Variants in FILIP1 observed in about 807,000 individuals in gnomAD.
FILIP1 encodes the protein filamin-A-interacting protein 1.
In FILIP1, 61 loss-of-function variants were observed where a neutral mutation model predicts 102.1. The ratio of observed to expected loss-of-function variants is 0.60; its 90% CI spans 0.49 to 0.74. The LOEUF is 0.74. FILIP1 is among the 30% of genes least tolerant of loss of function. The probability of loss-of-function intolerance (pLI) is 0.00; values close to 1 mark genes in which losing one functional copy is unlikely to be tolerated. For missense variants in FILIP1, 1,314 were observed against 1,441.2 expected, an observed-to-expected ratio of 0.91 and a Z score of 1.43; for synonymous variants, 491 against 526.9, an observed-to-expected ratio of 0.93 and a Z score of 0.93.
chr6:75,385,145 A>G (rs963523704), intron 2 of FILIP1, among the ~76,000 whole-genome samples: 2 of 152,070 alleles, frequency 1.3e-5, no homozygotes, highest in African/African-American at 2.4e-5. Context: ...AAAGAAGTCA[A>G]TAATTTGCCT....
intron 1 of FILIP1, among the ~76,000 whole-genome samples, chr6:75,437,067 C>T (rs1778050354): frequency 1.3e-5 from 2 of 152,130 alleles, no homozygotes; most frequent in African/African-American, 4.8e-5. Flanking sequence ...CAGACGGAAT[C>T]AGATTGGAAA....
intron 4 of FILIP1, among the ~76,000 whole-genome samples, chr6:75,337,905 T>C (rs1366871306): frequency 2.6e-5 from 4 of 151,630 alleles, no homozygotes; most frequent in African/African-American, 9.7e-5. Flanking sequence ...CTTTCCTGAT[T>C]TGAATACAGG....
chr6:75,380,628 G>T (rs963838116), intron 2 of FILIP1, among the ~76,000 whole-genome samples: 1 of 152,128 alleles, frequency 6.6e-6, no homozygotes, highest in African/African-American at 2.4e-5. Flanking sequence ...GAAGGACAAA[G>T]ATTGTTGCAG....
rs558494813 is a variant in FILIP1 at position 75,308,137 on chromosome 6, A to T, written c.*554T>A. On this transcript the variant is annotated 3_prime_UTR_variant, in exon 6 of 6. Transcript: ENST00000237172. ...ATTACATGTTCACATTATTTCCTGA[A>T]ATCATCTTAGAACCTTTTGTTTTTG... The T allele has an allele frequency of 6.3e-5, 62 of 985,948 alleles. No individual in the cohort carries two copies. Among genetic ancestry groups the T allele is most frequent in the Non-Finnish European group, 7.2e-5 (60 of 830,106 alleles). 61.1% of individuals were successfully genotyped at this position (985,948 alleles called of 1,614,324 possible).
At chr6:75,387,379 G>A (rs1422688288) in intron 2 of FILIP1, among the ~76,000 whole-genome samples, 1 of 152,132 alleles carries the variant, frequency 6.6e-6, no homozygotes, top group African/African-American at 2.4e-5. Flanking sequence ...ATAGTAGAAT[G>A]ATTTATAATC....
rs551066354 is a variant in FILIP1, at chr6:75,420,202, C to T, written c.-6-5224G>A. On this transcript the variant is annotated intron_variant, in intron 1 of 5. Coordinates refer to ENST00000237172, the MANE Select transcript of FILIP1 (RefSeq NM_015687.5). ...GCAAATAGAAAAATATTATTCTACT[C>T]CAGCTTAAAACTATGGTGAAATATT... Among the ~76,000 whole-genome samples the T allele has an allele frequency of 7.9e-5, 12 of 151,920 alleles. No homozygotes were observed. In the South Asian group the frequency reaches 2.3e-3, roughly 29 times the overall value.
chr6:75,483,376 A>G (rs1238283298), intron 1 of FILIP1, among the ~76,000 whole-genome samples: 2 of 152,206 alleles, frequency 1.3e-5, no homozygotes, highest in Admixed American at 6.5e-5. Context: ...AAGTCCAGAC[A>G]GAGGAATCCC....
chr6:75,436,190 T>C (rs1016480718), intron 1 of FILIP1, among the ~76,000 whole-genome samples: 1 of 151,866 alleles, frequency 6.6e-6, no homozygotes, highest in African/African-American at 2.4e-5. Context: ...CTGGACAACA[T>C]GGTGAAACCC....
intron 1 of FILIP1, among the ~76,000 whole-genome samples, chr6:75,491,997 A>G (rs1209721721): frequency 6.6e-6 from 1 of 152,206 alleles, no homozygotes; most frequent in African/African-American, 2.4e-5. Flanking sequence ...GAAAAATGTA[A>G]AGCATTTAGT....
At chr6:75,319,526 G>A in intron 4 of FILIP1, 2 of 569,142 alleles carry the variant, frequency 3.5e-6, no homozygotes, top group South Asian at 1.4e-5. Flanking sequence ...CTACCTCTCT[G>A]AGCACTTCTT....
At chr6:75,417,840 C>T (rs1777321013) in intron 1 of FILIP1, among the ~76,000 whole-genome samples, 1 of 152,170 alleles carries the variant, frequency 6.6e-6, no homozygotes, top group Non-Finnish European at 1.5e-5. Context: ...TTACGGCTTT[C>T]CTCGAAGTTC....
At chr6:75,328,566 G>T (rs1215631560) in intron 4 of FILIP1, among the ~76,000 whole-genome samples, 2 of 152,150 alleles carry the variant, frequency 1.3e-5, no homozygotes, top group African/African-American at 4.8e-5. Context: ...TGATCTCACT[G>T]CAACTTCGGC....
intron 2 of FILIP1, among the ~76,000 whole-genome samples, chr6:75,367,823 T>A (rs1775389954): frequency 6.6e-6 from 1 of 152,214 alleles, no homozygotes; most frequent in Non-Finnish European, 1.5e-5. Context: ...TACATCTCCA[T>A]TTTTGAGAAA....
intron 2 of FILIP1, among the ~76,000 whole-genome samples, chr6:75,413,772 C>G (rs1020485727): frequency 6.8e-6 from 1 of 147,432 alleles, no homozygotes; most frequent in African/African-American, 2.5e-5. Context: ...CTCTTTAAGT[C>G]ATCTTCTCCA....
At chr6:75,349,064 T>A (rs1392133170) in intron 4 of FILIP1, among the ~76,000 whole-genome samples, 1 of 152,118 alleles carries the variant, frequency 6.6e-6, no homozygotes, top group Non-Finnish European at 1.5e-5. Context: ...CTTGGTTGAG[T>A]TACATAATTG....
intron 4 of FILIP1, 84 bp from the exon 5 acceptor site, chr6:75,315,286 CACT>C (rs1227618632): frequency 4.6e-6 from 4 of 872,150 alleles, no homozygotes; most frequent in Admixed American, 7.2e-5. Context: ...AACAAAAAGC[CACT>C]ACAATAAATC....
At chr6:75,344,140 A>G (rs58299431) in intron 4 of FILIP1, among the ~76,000 whole-genome samples, 4,041 of 152,044 alleles carry the variant, frequency 0.027, 192 homozygotes, top group African/African-American at 0.092. Flanking sequence ...AAGAATTTCT[A>G]TGTTCTGGTG....
At chr6:75,413,934 A>T (rs1340726293) in intron 2 of FILIP1, among the ~76,000 whole-genome samples, 3 of 151,150 alleles carry the variant, frequency 2.0e-5, no homozygotes, top group African/African-American at 7.3e-5. Context: ...CATGGCAACT[A>T]AATAAGATTG....
intron 4 of FILIP1, among the ~76,000 whole-genome samples, chr6:75,322,318 A>G (rs1019024977): frequency 2.6e-5 from 4 of 152,190 alleles, no homozygotes; most frequent in Admixed American, 6.5e-5. Flanking sequence ...TATGCTATTT[A>G]AGAAGCAGAA....
Sources: allele counts gnomAD v4.1 joint callset (sites outside exome capture counted in the v4.1 genomes callset), GRCh38; gene constraint gnomAD v4.1.1; transcripts MANE v1.5; gene names NCBI Gene and HGNC (gene_info 2026-07-23, HGNC 2026-07-21).